Variants in CTDSPL2 observed in about 807,000 individuals in gnomAD.
CTDSPL2 encodes CTD small phosphatase like 2, also known as CTD small phosphatase-like protein 2.
In CTDSPL2, 5 loss-of-function variants were observed where a neutral mutation model predicts 60.0. The observed-to-expected ratio is 0.08, with a 90% CI of 0.04 to 0.18. The LOEUF (loss-of-function observed/expected upper bound fraction) is 0.18, where lower values mean the gene tolerates loss of function less well. Ranked by LOEUF, CTDSPL2 falls within the 10% of genes least tolerant of loss-of-function variation. The probability of loss-of-function intolerance (pLI) is 1.00; values close to 1 mark genes in which losing one functional copy is unlikely to be tolerated. For synonymous variants in CTDSPL2, 186 were observed against 189.3 expected (o/e 0.98, Z 0.14); for missense variants, 370 against 548.8 (o/e 0.67, Z 3.26).
chr15:44,509,762 C>T (rs187502062), intron 8 of CTDSPL2, among the ~76,000 whole-genome samples: 2 of 151,700 alleles, frequency 1.3e-5, no homozygotes, highest in African/African-American at 2.4e-5. Flanking sequence ...CCCGTCTCTA[C>T]TAAAAATACA....
At position 44,490,817 on chromosome 15, in the gene CTDSPL2, T is replaced by G. The variant is rs75936503; in HGVS notation, c.509T>G (p.Val170Gly). 1 of 1,613,218 alleles carries G rather than the reference T, an allele frequency of 6.2e-7. No individual in the cohort carries two copies. Among genetic ancestry groups the G allele is most frequent in the Non-Finnish European group, 8.5e-7 (1 of 1,179,962 alleles). ...TSGSDSPGQA[V>G]EAEEIVKQLD... is the part of the protein sequence containing the mutation. ...GGATCAGATTCTCCAGGACAGGCTG[T>G]GGAAGCTGAAGAAATAGTAAAACAA... The change falls in exon 5 of 13, where the codon GTG becomes GGG. Residue 170 changes from valine (V) to glycine (G), a missense_variant. This residue lies in a region of CTDSPL2 where 287 missense variants were observed against 296.1 expected (regional missense o/e 0.97). Transcript: ENST00000260327.
intron 2 of CTDSPL2, among the ~76,000 whole-genome samples, chr15:44,463,234 T>G (rs558715585): frequency 3.9e-4 from 60 of 152,280 alleles, no homozygotes; most frequent in African/African-American, 1.4e-3. Context: ...CTCCGCCTCT[T>G]GGGTTCAAGT....
Position 44,524,337 on chromosome 15 carries a change from T to G in CTDSPL2, c.*163T>G. The G allele has an allele frequency of 1.6e-6, 1 of 622,974 alleles. No homozygotes were observed. Among genetic ancestry groups the G allele is most frequent in the Non-Finnish European group, 2.8e-6 (1 of 351,434 alleles). The allele number at this position is 622,974 out of a possible 1,614,324, so 38.6% of individuals were successfully genotyped here. A position where few individuals can be genotyped will look rare whatever the true frequency, so the allele number is the denominator to read the frequency against. ...TAATTAAGGGTTACAGAAAGAGACT[T>G]TATCTATCTCAGATCGAATACATAT... is the stretch of plus-strand genomic sequence containing the variant. On this transcript the variant is annotated 3_prime_UTR_variant, in exon 13 of 13. Transcript: ENST00000260327.
At chr15:44,469,310 A>G (rs116045994) in intron 2 of CTDSPL2, among the ~76,000 whole-genome samples, 37 of 152,328 alleles carry the variant, frequency 2.4e-4, no homozygotes, top group African/African-American at 8.7e-4. Flanking sequence ...TTTACCTCCA[A>G]CCATTTATAA....
At chr15:44,523,267 G>A (rs2081814637) in intron 12 of CTDSPL2, among the ~76,000 whole-genome samples, 1 of 152,124 alleles carries the variant, frequency 6.6e-6, no homozygotes, top group Admixed American at 6.5e-5. Flanking sequence ...AAAGTGCTGG[G>A]ATTATAGGCA....
intron 2 of CTDSPL2, among the ~76,000 whole-genome samples, chr15:44,464,967 A>G (rs1213654710): frequency 2.6e-5 from 4 of 151,992 alleles, no homozygotes; most frequent in Non-Finnish European, 2.9e-5. Flanking sequence ...CGGCCTCCCA[A>G]AGTGCTGGGA....
chr15:44,428,643 G>A (rs2079795948), intron 1 of CTDSPL2, among the ~76,000 whole-genome samples: 1 of 152,188 alleles, frequency 6.6e-6, no homozygotes, highest in Admixed American at 6.5e-5. Context: ...TTCCTCCGAG[G>A]CAGGGATTTA....
chr15:44,450,984 TATTG>T (rs1375515567), intron 1 of CTDSPL2, among the ~76,000 whole-genome samples: 3 of 152,178 alleles, frequency 2.0e-5, no homozygotes, highest in Non-Finnish European at 4.4e-5. Context: ...TAATTATAAA[TATTG>T]ATTAAAATAC....
At chr15:44,439,179 C>T (rs925150443) in intron 1 of CTDSPL2, among the ~76,000 whole-genome samples, 11 of 151,506 alleles carry the variant, frequency 7.3e-5, no homozygotes, top group Non-Finnish European at 1.0e-4. Flanking sequence ...GATAGAGTCT[C>T]GCTCTGTCGC....
At chr15:44,472,712 G>A (rs1474675271) in intron 2 of CTDSPL2, among the ~76,000 whole-genome samples, 1 of 152,086 alleles carries the variant, frequency 6.6e-6, no homozygotes, top group African/African-American at 2.4e-5. Context: ...GTCACCCGCT[G>A]GAGTGCAGTG....
intron 2 of CTDSPL2, among the ~76,000 whole-genome samples, chr15:44,462,695 C>T (rs1437756473): frequency 7.1e-6 from 1 of 140,016 alleles, no homozygotes; most frequent in African/African-American, 2.9e-5. Context: ...CTAGAACACT[C>T]AGGACTTTTT....
chr15:44,488,198 C>A (rs563097626), intron 4 of CTDSPL2, among the ~76,000 whole-genome samples: 1 of 151,680 alleles, frequency 6.6e-6, no homozygotes, highest in South Asian at 2.1e-4. Flanking sequence ...GTGAATAATA[C>A]GATCAGATCT....
intron 1 of CTDSPL2, among the ~76,000 whole-genome samples, chr15:44,455,734 C>T (rs966906873): frequency 4.7e-5 from 7 of 150,324 alleles, no homozygotes; most frequent in African/African-American, 9.8e-5. Context: ...TATTGATTTG[C>T]GTATGTTGAA....
At chr15:44,521,535 A>G (rs960068272) in intron 12 of CTDSPL2, 129 bp downstream of exon 12, 2 of 506,268 alleles carry the variant, frequency 4.0e-6, no homozygotes, top group Non-Finnish European at 6.9e-6. Context: ...CACAGGTGCC[A>G]TCATAGGCGC....
rs2081849611 is a variant in CTDSPL2 at position 44,524,970 on chromosome 15, C to G, written c.*796C>G. The G allele has an allele frequency of 6.4e-6, 1 of 155,876 alleles. No individual in the cohort carries two copies. The highest frequency in any genetic ancestry group is 2.4e-5 in the African/African-American group (1 of 41,598). 9.7% of individuals were successfully genotyped at this position (155,876 alleles called of 1,614,324 possible). A position where few individuals can be genotyped will look rare whatever the true frequency, so the allele number is the denominator to read the frequency against. ...ATGACTAATATACAAAAGATTTAAA[C>G]CATTGTGATGGCGTATATTCTCAAA... On this transcript the variant is annotated 3_prime_UTR_variant, in exon 13 of 13. Transcript: ENST00000260327.
At chr15:44,493,425 C>G (rs1395759162) in intron 5 of CTDSPL2, among the ~76,000 whole-genome samples, 1 of 152,146 alleles carries the variant, frequency 6.6e-6, no homozygotes, top group African/African-American at 2.4e-5. Flanking sequence ...TTAGCTTTAA[C>G]ATAGTTTTTG....
chr15:44,477,081 T>G (rs1449370678), intron 2 of CTDSPL2, among the ~76,000 whole-genome samples: 1 of 152,196 alleles, frequency 6.6e-6, no homozygotes, highest in Non-Finnish European at 1.5e-5. Context: ...AAAAACGAAT[T>G]AGTCAAGCGT....
chr15:44,523,526 A>T (rs1372999502), intron 12 of CTDSPL2, among the ~76,000 whole-genome samples: 1 of 152,200 alleles, frequency 6.6e-6, no homozygotes, highest in African/African-American at 2.4e-5. Context: ...GGATTGCTTG[A>T]GCCCAGAAGT....
intron 10 of CTDSPL2, among the ~76,000 whole-genome samples, chr15:44,516,109 G>A (rs2081650480): frequency 6.6e-6 from 1 of 151,396 alleles, no homozygotes; most frequent in South Asian, 2.1e-4. Context: ...TGGGACTACA[G>A]GTGTGTGCCA....
Sources: gnomAD v4.1 joint callset for allele counts (sites outside exome capture counted in the v4.1 genomes callset) on GRCh38, gnomAD v4.1.1 for gene constraint, gnomAD v4.1.1 regional missense constraint, MANE v1.5 for transcripts, NCBI Gene and HGNC (gene_info 2026-07-23, HGNC 2026-07-21) for gene names.